The following DIRAS1 variants were observed in gnomAD, a reference collection of about 807,000 sequenced individuals.
DIRAS1 encodes the protein GTP-binding protein Di-Ras1.
Under a neutral mutation model 11.5 loss-of-function variants are expected in DIRAS1, and 3 were observed. The ratio of observed to expected loss-of-function variants is 0.26; its 90% CI spans 0.12 to 0.67. The LOEUF (loss-of-function observed/expected upper bound fraction) is 0.67. Ranked by LOEUF, DIRAS1 falls within the 30% of genes least tolerant of loss-of-function variation. The probability of loss-of-function intolerance (pLI) is 0.80; values close to 1 mark genes in which losing one functional copy is unlikely to be tolerated. For synonymous variants in DIRAS1, 128 were observed against 125.8 expected (o/e 1.02, Z -0.12); for missense variants, 212 against 285.3 (o/e 0.74, Z 1.85).
At position 2,718,097 on chromosome 19, in the gene DIRAS1, G is replaced by A. The variant is rs1173892814; in HGVS notation, c.-69-222C>T. Among the ~76,000 whole-genome samples, 1 of 152,220 alleles carries A rather than the reference G, an allele frequency of 6.6e-6. No homozygotes were observed. The highest frequency in any genetic ancestry group is 2.4e-5 in the African/African-American group (1 of 41,452). ...GCTTACTTCTCCCTAACAAAATCTGGGGCCTGAGCTTCCCCGGGGGACGCT... is the reference window on the plus strand; with the variant it reads ...GCTTACTTCTCCCTAACAAAATCTGAGGCCTGAGCTTCCCCGGGGGACGCT... On this transcript the variant is annotated intron_variant, in intron 1 of 1. Coordinates refer to ENST00000323469, the MANE Select transcript of DIRAS1 (RefSeq NM_145173.4). The surrounding 1 kb of genome is among the most constrained non-coding windows in gnomAD (Gnocchi z 4.2).
Position 2,717,068 on chromosome 19 carries a change from G to GCGT in DIRAS1, c.*141_*142insACG. 2.4e-6 allele frequency: 2 copies of GCGT among 822,424 alleles called. No homozygotes were observed. Among genetic ancestry groups the GCGT allele is most frequent in the Non-Finnish European group, 3.6e-6 (2 of 549,280 alleles). The allele number at this position is 822,424 out of a possible 1,614,324, so 50.9% of individuals were successfully genotyped here. A position where few individuals can be genotyped will look rare whatever the true frequency, so the allele number is the denominator to read the frequency against. ...CTCGGGGTGGGCAGGGGCAGCGGAG[G>GCGT]GGGGGGCGGTGGCCTCGGTTTCCCC... On this transcript the variant is annotated 3_prime_UTR_variant, in exon 2 of 2. Transcript: ENST00000323469.
At chr19:2,721,168 G>T (rs1036679301) in intron 1 of DIRAS1, 136 bp downstream of exon 1, 1 of 150,300 alleles carries the variant, frequency 6.7e-6, no homozygotes, top group Non-Finnish European at 1.5e-5. Flanking sequence ...CCGGCGAGGG[G>T]CCCCGGAGCC....
intron 1 of DIRAS1, among the ~76,000 whole-genome samples, chr19:2,720,829 G>A (rs1448254104): frequency 3.3e-5 from 5 of 152,054 alleles, no homozygotes; most frequent in Non-Finnish European, 5.9e-5. Context: ...TAGGGGGCCC[G>A]AGGGCGCAGA....
intron 1 of DIRAS1, among the ~76,000 whole-genome samples, chr19:2,720,083 T>C (rs906711883): frequency 1.3e-5 from 2 of 151,520 alleles, no homozygotes; most frequent in African/African-American, 4.9e-5. Flanking sequence ...GCCGGGTTTG[T>C]GGACTACATG....
chr19:2,714,936 A>T lies in DIRAS1; in HGVS notation c.*2274T>A, dbSNP rs1004022339. On this transcript the variant is annotated 3_prime_UTR_variant, in exon 2 of 2. Coordinates refer to ENST00000323469, the MANE Select transcript of DIRAS1 (RefSeq NM_145173.4). Reference sequence around the variant, plus strand: ...GCCTCACTCTCTCCGGCACCTTCAGAACCCAGAAGCTACTGCCAGGACAGG... The same window carrying T: ...GCCTCACTCTCTCCGGCACCTTCAGTACCCAGAAGCTACTGCCAGGACAGG... 1 of 152,714 alleles carries T rather than the reference A, an allele frequency of 6.5e-6. No homozygotes were observed. Among genetic ancestry groups the T allele is most frequent in the Non-Finnish European group, 1.5e-5 (1 of 68,202 alleles). The allele number at this position is 152,714 out of a possible 1,614,324, so 9.5% of individuals were successfully genotyped here.
chr19:2,718,920 A>G lies in DIRAS1; in HGVS notation c.-69-1045T>C, dbSNP rs925425411. 6.6e-6 allele frequency among the ~76,000 whole-genome samples: 1 copy of G among 151,974 alleles called. No homozygotes were observed. The highest frequency in any genetic ancestry group is 2.4e-5 in the African/African-American group (1 of 41,360). On this transcript the variant is annotated intron_variant, in intron 1 of 1. Coordinates refer to ENST00000323469, the MANE Select transcript of DIRAS1 (RefSeq NM_145173.4). This position sits in a 1 kb window ranked among gnomAD's most constrained non-coding sequence, Gnocchi z 4.2. ...ACTGCAACCTCTGCCTCCTCGGTTC[A>G]AGCAATTCTCCTGCCTCAGCCTCCA...
chr19:2,719,758 C>T (rs1004619053), intron 1 of DIRAS1, among the ~76,000 whole-genome samples: 3 of 152,080 alleles, frequency 2.0e-5, no homozygotes, highest in African/African-American at 4.8e-5. Context: ...CCTAAGCCTC[C>T]GTTTTCTCTT....
Position 2,717,402 on chromosome 19 carries a change from C to G in DIRAS1, c.405G>C (p.Ala135=). 6.2e-7 allele frequency: 1 copy of G among 1,607,538 alleles called. No individual in the cohort carries two copies. Among genetic ancestry groups the G allele is most frequent in the Non-Finnish European group, 8.5e-7 (1 of 1,179,984 alleles). Reference sequence around the variant, plus strand: ...ACTTCCACTCCTGGGCCACCGCCTGCGCCTCGCGCGTGTCCACCTCCCGCT... The same window carrying G: ...ACTTCCACTCCTGGGCCACCGCCTGGGCCTCGCGCGTGTCCACCTCCCGCT... The part of the protein sequence containing the change: ...ETQREVDTRE[A]QAVAQEWKCA... The change falls in exon 2 of 2, where the codon GCG becomes GCC. Residue 135 remains alanine, a synonymous_variant. Transcript: ENST00000323469.
Position 2,718,039 on chromosome 19 carries a change from G to T in DIRAS1, c.-69-164C>A. 1.7e-6 allele frequency: 1 copy of T among 578,362 alleles called. No homozygotes were observed. The highest frequency in any genetic ancestry group is 2.3e-5 in the South Asian group (1 of 44,190). 35.8% of individuals were successfully genotyped at this position (578,362 alleles called of 1,614,324 possible). A position where few individuals can be genotyped will look rare whatever the true frequency, so the allele number is the denominator to read the frequency against. ...TGCTTGTGGCTGACTTTGCAGTTCT[G>T]TCCCACAGGCGGGCGCACAGCCAAC... On this transcript the variant is annotated intron_variant, in intron 1 of 1. Coordinates refer to ENST00000323469, the MANE Select transcript of DIRAS1 (RefSeq NM_145173.4). This position sits in a 1 kb window ranked among gnomAD's most constrained non-coding sequence, Gnocchi z 4.2.
chr19:2,717,639 C>T lies in DIRAS1; in HGVS notation c.168G>A (p.Thr56=), dbSNP rs1209302119. ...TGCCGGTGGTGTCTGTGATCTGCAG[C>T]GTGCACACGCTCTTGTCGCAGCTGA... ...QVISCDKSVC[T]LQITDTTGSH... is the part of the protein sequence containing the mutation. Residue 56 remains threonine (T), a synonymous_variant, in exon 2 of 2, where the codon ACG becomes ACA. Transcript: ENST00000323469. 10 of 1,613,070 alleles carry T rather than the reference C, an allele frequency of 6.2e-6. No individual in the cohort carries two copies. The highest frequency in any genetic ancestry group is 3.3e-4 in the Middle Eastern group (2 of 6,084).
rs1357863096 is a variant in DIRAS1, at chr19:2,718,405, C to T, written c.-69-530G>A. On this transcript the variant is annotated intron_variant, in intron 1 of 1. Transcript: ENST00000323469. This position sits in a 1 kb window ranked among gnomAD's most constrained non-coding sequence, Gnocchi z 4.2. ...CGCCAACCCAGAGATGGCCAATCCTCATGGAAGCCGCACATGGTCGGGTGT... is the reference window on the plus strand; with the variant it reads ...CGCCAACCCAGAGATGGCCAATCCTTATGGAAGCCGCACATGGTCGGGTGT... Among the ~76,000 whole-genome samples, 1 of 152,214 alleles carries T rather than the reference C, an allele frequency of 6.6e-6. No individual in the cohort carries two copies. The highest frequency in any genetic ancestry group is 1.5e-5 in the Non-Finnish European group (1 of 68,040).
chr19:2,720,024 C>G (rs936676692), intron 1 of DIRAS1, among the ~76,000 whole-genome samples: 4 of 152,318 alleles, frequency 2.6e-5, no homozygotes, highest in Non-Finnish European at 5.9e-5. Context: ...TTGTGATGAG[C>G]CAGGCAAACT....
In DIRAS1 at chr19:2,715,059, C is replaced by T. The variant is rs761547438; in HGVS notation, c.*2151G>A. 5 of 152,390 alleles carry T rather than the reference C, an allele frequency of 3.3e-5. No homozygotes were observed. Among genetic ancestry groups the T allele is most frequent in the African/African-American group, 7.2e-5 (3 of 41,450 alleles). 9.4% of individuals were successfully genotyped at this position (152,390 alleles called of 1,614,324 possible). A position where few individuals can be genotyped will look rare whatever the true frequency, so the allele number is the denominator to read the frequency against. On this transcript the variant is annotated 3_prime_UTR_variant, in exon 2 of 2. Transcript: ENST00000323469. ...CACAATGCCAGCTCTTCTGGGAGCCCGGTCCACGTGCTGGATAGCAACACA... is the reference window on the plus strand; with the variant it reads ...CACAATGCCAGCTCTTCTGGGAGCCTGGTCCACGTGCTGGATAGCAACACA...
intron 1 of DIRAS1, among the ~76,000 whole-genome samples, chr19:2,720,000 GAC>G (rs1199409564): frequency 6.6e-6 from 1 of 152,240 alleles, no homozygotes; most frequent in Non-Finnish European, 1.5e-5. Flanking sequence ...AGCGCCAGCT[GAC>G]ACAGTCCCCA....
At position 2,717,485 on chromosome 19, in the gene DIRAS1, T is replaced by G; in HGVS notation, c.322A>C (p.Lys108Gln). 1 of 1,612,402 alleles carries G rather than the reference T, an allele frequency of 6.2e-7. No individual in the cohort carries two copies. Among genetic ancestry groups the G allele is most frequent in the Non-Finnish European group, 8.5e-7 (1 of 1,180,002 alleles). The change falls in exon 2 of 2, where the codon AAG (lysine) becomes CAG (glutamine). Residue 108 changes from lysine to glutamine, a missense_variant. Physicochemically the swap from Lys to Gln is moderately conservative, Grantham distance 53. This residue lies in a region of DIRAS1 where 128 missense variants were observed against 205.3 expected (regional missense o/e 0.62). Coordinates refer to ENST00000323469, the MANE Select transcript of DIRAS1 (RefSeq NM_145173.4). ...ACGGGGATGTCCTCCACGCTGCCCT[T>G]GATCTGCACGATGAGCTTGTAGATG... ...GPIYKLIVQI[K>Q]GSVEDIPVML...
Position 2,716,955 on chromosome 19 carries a change from G to C in DIRAS1, c.*255C>G, listed in dbSNP as rs1466170588. Reference sequence around the variant, plus strand: ...TGTTTTCCCATCTGCAGGACAAGGGGGCCACCTCCGGCTCTTGGTTTTGGA... The same window carrying C: ...TGTTTTCCCATCTGCAGGACAAGGGCGCCACCTCCGGCTCTTGGTTTTGGA... On this transcript the variant is annotated 3_prime_UTR_variant, in exon 2 of 2. Transcript: ENST00000323469. 3 of 469,106 alleles carry C rather than the reference G, an allele frequency of 6.4e-6. No homozygotes were observed. The highest frequency in any genetic ancestry group is 1.1e-5 in the Non-Finnish European group (3 of 266,368). 29.1% of individuals were successfully genotyped at this position (469,106 alleles called of 1,614,324 possible).
Position 2,717,477 on chromosome 19 carries a change from G to T in DIRAS1, c.330C>A (p.Ser110Arg), listed in dbSNP as rs145805966. ...IYKLIVQIKGSVEDIPVMLVG... is the reference protein window; with the variant it reads ...IYKLIVQIKGRVEDIPVMLVG... ...CGAGCATCACGGGGATGTCCTCCAC[G>T]CTGCCCTTGATCTGCACGATGAGCT... The change falls in exon 2 of 2, where the codon AGC becomes AGA. Residue 110 changes from serine (S) to arginine (R), a missense_variant. By Grantham distance (110) the Ser-to-Arg change is moderately radical. Around this residue, in one of 2 missense-constraint regions of DIRAS1, gnomAD observed 128 missense variants for 205.3 expected, o/e 0.62. Transcript: ENST00000323469. 1 of 1,611,672 alleles carries T rather than the reference G, an allele frequency of 6.2e-7. No individual in the cohort carries two copies. Among genetic ancestry groups the T allele is most frequent in the African/African-American group, 1.3e-5 (1 of 74,918 alleles).
In DIRAS1 at chr19:2,715,969, TAC is replaced by T. The variant is rs1445206812; in HGVS notation, c.*1239_*1240del. ...CTCTCTGTATACCCTACACCACTAT[TAC>T]ACACACAGACTGCCACAAAAACATA... On this transcript the variant is annotated 3_prime_UTR_variant, in exon 2 of 2. Coordinates refer to ENST00000323469, the MANE Select transcript of DIRAS1 (RefSeq NM_145173.4). 1 of 152,222 alleles carries T rather than the reference TAC, an allele frequency of 6.6e-6. No homozygotes were observed. The highest frequency in any genetic ancestry group is 2.4e-5 in the African/African-American group (1 of 41,412). The allele number at this position is 152,222 out of a possible 1,614,324, so 9.4% of individuals were successfully genotyped here. A position where few individuals can be genotyped will look rare whatever the true frequency, so the allele number is the denominator to read the frequency against.
In DIRAS1 at chr19:2,717,397, G is replaced by A. The variant is rs770364194; in HGVS notation, c.410C>T (p.Ala137Val). Residue 137 changes from alanine to valine, a missense_variant, in exon 2 of 2, where the codon GCG becomes GTG. Transcript: ENST00000323469. Reference protein sequence around the residue: ...QREVDTREAQAVAQEWKCAFM... With the variant: ...QREVDTREAQVVAQEWKCAFM... ...AGCGCACTTCCACTCCTGGGCCACC[G>A]CCTGCGCCTCGCGCGTGTCCACCTC... The A allele has an allele frequency of 7.5e-6, 12 of 1,607,696 alleles. No homozygotes were observed. The highest frequency in any genetic ancestry group is 4.5e-5 in the East Asian group (2 of 44,888).
Sources: gnomAD v4.1 joint callset for allele counts (sites outside exome capture counted in the v4.1 genomes callset) on GRCh38, gnomAD v4.1.1 for gene constraint, gnomAD v4.1.1 regional missense constraint, Gnocchi (gnomAD v3.1) non-coding constraint, MANE v1.5 for transcripts, NCBI Gene and HGNC (gene_info 2026-07-23, HGNC 2026-07-21) for gene names.